The following LRP1B variants were observed in gnomAD, a reference collection of about 807,000 sequenced individuals.
LRP1B encodes the protein low-density lipoprotein receptor-related protein 1B.
A neutral mutation model predicts 556.6 loss-of-function variants in LRP1B; 217 were observed. The ratio of observed to expected loss-of-function variants is 0.39; its 90% CI spans 0.35 to 0.44. The LOEUF is 0.44. LRP1B is among the 20% of genes least tolerant of loss of function. LRP1B has a pLI of 1.00. For missense variants in LRP1B, 5,053 were observed against 5,620.8 expected (o/e 0.90, Z 3.23); for synonymous variants, 2,047 against 1,865.8 (o/e 1.10, Z -2.50).
intron 7 of LRP1B, among the ~76,000 whole-genome samples, chr2:141,181,688 T>G (rs1681002237): frequency 6.6e-6 from 1 of 151,952 alleles, no homozygotes; most frequent in Admixed American, 6.6e-5. Context: ...ACTAAAGTAT[T>G]CACTGCATAT....
chr2:141,140,688 C>T (rs1423742829), intron 7 of LRP1B, among the ~76,000 whole-genome samples: 2 of 152,116 alleles, frequency 1.3e-5, no homozygotes, highest in African/African-American at 4.8e-5. Flanking sequence ...GACACCTTGA[C>T]CTTGGACTTC....
intron 3 of LRP1B, among the ~76,000 whole-genome samples, chr2:141,416,644 G>T (rs1337125258): frequency 6.6e-6 from 1 of 151,798 alleles, no homozygotes; most frequent in Non-Finnish European, 1.5e-5. Flanking sequence ...TTAGAGAGAT[G>T]GGTTTTCACC....
At chr2:141,464,087 G>T (rs1682061859) in intron 3 of LRP1B, among the ~76,000 whole-genome samples, 1 of 151,734 alleles carries the variant, frequency 6.6e-6, no homozygotes, top group Admixed American at 6.6e-5. Context: ...AATCCACACA[G>T]GTCTTCCTAA....
intron 2 of LRP1B, among the ~76,000 whole-genome samples, chr2:141,671,836 T>TC (rs397713175): frequency 5.9e-5 from 9 of 151,634 alleles, no homozygotes; most frequent in African/African-American, 1.9e-4. Context: ...TTTTTTTTTT[T>TC]CACAAACAAA....
intron 71 of LRP1B, among the ~76,000 whole-genome samples, chr2:140,370,084 C>T (rs1181680683): frequency 6.6e-6 from 1 of 151,964 alleles, no homozygotes; most frequent in Non-Finnish European, 1.5e-5. Context: ...ACAATTGCTA[C>T]GTTTAATATG....
intron 23 of LRP1B, among the ~76,000 whole-genome samples, chr2:140,886,860 C>CA (rs1482383021): frequency 6.6e-6 from 1 of 151,796 alleles, no homozygotes; most frequent in African/African-American, 2.4e-5. Context: ...CTGCAGAGTC[C>CA]AAAAAAATCA....
chr2:141,939,475 T>C (rs923929191), intron 1 of LRP1B, among the ~76,000 whole-genome samples: 13 of 152,204 alleles, frequency 8.5e-5, no homozygotes, highest in Admixed American at 5.2e-4. Context: ...GTGTAAGAGC[T>C]GGCCTGCTCT....
At chr2:141,909,628 T>G (rs1267399435) in intron 1 of LRP1B, among the ~76,000 whole-genome samples, 1 of 150,038 alleles carries the variant, frequency 6.7e-6, no homozygotes, top group Non-Finnish European at 1.5e-5. Flanking sequence ...AGTAATTTTG[T>G]GCTCACCAGT....
intron 3 of LRP1B, among the ~76,000 whole-genome samples, chr2:141,367,876 C>G (rs1251037081): frequency 6.6e-6 from 1 of 151,900 alleles, no homozygotes; most frequent in Non-Finnish European, 1.5e-5. Flanking sequence ...CCATATTTAG[C>G]AAAGTAACAG....
chr2:141,650,901 T>G (rs1312589501), intron 2 of LRP1B, among the ~76,000 whole-genome samples: 1 of 152,222 alleles, frequency 6.6e-6, no homozygotes, highest in East Asian at 1.9e-4. Context: ...GATATGTTTG[T>G]TCATTTTTCC....
At chr2:140,414,869 G>T (rs1421220357) in intron 66 of LRP1B, among the ~76,000 whole-genome samples, 1 of 152,040 alleles carries the variant, frequency 6.6e-6, no homozygotes, top group African/African-American at 2.4e-5. Flanking sequence ...CTGCCTGCAG[G>T]GTCAGGCAAA....
In LRP1B at chr2:141,442,433, T is replaced by TC. The variant is rs976284713; in HGVS notation, c.343+37962_343+37963insG. On this transcript the variant is annotated intron_variant, in intron 3 of 90. Transcript: ENST00000389484. ...TTTAATCTTCACACATTCTTTTTTT[T>TC]TTTTTTTTAATTATACTTTAAGTTC... 1.6e-3 allele frequency among the ~76,000 whole-genome samples: 250 copies of TC among 151,890 alleles called. 1 individual carries two copies. The highest frequency in any genetic ancestry group is 5.8e-3 in the African/African-American group (241 of 41,418).
chr2:140,989,289 C>A (rs561334874), intron 17 of LRP1B, among the ~76,000 whole-genome samples: 408 of 152,150 alleles, frequency 2.7e-3, no homozygotes, highest in Non-Finnish European at 4.5e-3. Flanking sequence ...AGTGTGTCGA[C>A]AGTCAACCCA....
intron 1 of LRP1B, among the ~76,000 whole-genome samples, chr2:142,039,797 G>A (rs1354579297): frequency 6.6e-6 from 1 of 151,450 alleles, no homozygotes. Flanking sequence ...GTATTATCTA[G>A]AAATTTGTCA....
At position 140,951,834 on chromosome 2, in the gene LRP1B, C is replaced by T. The variant is rs770332154; in HGVS notation, c.2968+26G>A. The T allele has an allele frequency of 2.5e-6, 4 of 1,573,820 alleles. No homozygotes were observed. In the East Asian group the frequency reaches 6.7e-5, roughly 26 times the overall value. On this transcript the variant is annotated intron_variant, in intron 19 of 90. Coordinates refer to ENST00000389484, the MANE Select transcript of LRP1B (RefSeq NM_018557.3). ...CGCCAAGCCCCCGATCAAATTAGTG[C>T]TATACAGTGAGCATTTGGTACTTGC...
At chr2:141,764,274 G>A (rs1263516026) in intron 2 of LRP1B, among the ~76,000 whole-genome samples, 7 of 151,918 alleles carry the variant, frequency 4.6e-5, no homozygotes, top group African/African-American at 1.5e-4. Flanking sequence ...TCCGCCTCCC[G>A]GGTTCACGCC....
chr2:140,722,688 TTTAATAA>T (rs2105477793), intron 35 of LRP1B, among the ~76,000 whole-genome samples: 1 of 152,344 alleles, frequency 6.6e-6, no homozygotes, highest in Non-Finnish European at 1.5e-5. Context: ...CCCTTTACTG[TTTAATAA>T]TAAGTTGTTT....
chr2:141,433,420 G>T (rs1471312825), intron 3 of LRP1B, among the ~76,000 whole-genome samples: 1 of 151,910 alleles, frequency 6.6e-6, no homozygotes, highest in Non-Finnish European at 1.5e-5. Context: ...TTATCATGTT[G>T]TTCATATCTT....
intron 1 of LRP1B, among the ~76,000 whole-genome samples, chr2:141,939,713 T>C (rs1002502219): frequency 2.0e-5 from 3 of 152,150 alleles, no homozygotes; most frequent in African/African-American, 7.2e-5. Flanking sequence ...GATAATGGTA[T>C]ATCACTGTTC....
Sources: gnomAD v4.1 joint callset for allele counts (sites outside exome capture counted in the v4.1 genomes callset) on GRCh38, gnomAD v4.1.1 for gene constraint, MANE v1.5 for transcripts, NCBI Gene and HGNC (gene_info 2026-07-23, HGNC 2026-07-21) for gene names.